SNX8: variants seen among roughly 807,000 people sequenced by gnomAD.
The protein encoded by SNX8 is sorting nexin 8, also known as sorting nexin-8.
In SNX8, 25 loss-of-function variants were observed where a neutral mutation model predicts 51.6. The ratio of observed to expected loss-of-function variants is 0.48; its 90% confidence interval spans 0.35 to 0.68. The LOEUF is 0.68. Among genes scored for constraint, SNX8 ranks in the 30% least tolerant of loss-of-function variants. The probability of loss-of-function intolerance (pLI) is 0.00; values close to 1 mark genes in which losing one functional copy is unlikely to be tolerated. For synonymous variants in SNX8, 324 were observed against 277.0 expected (o/e 1.17, Z -1.68); for missense variants, 695 against 624.0 (o/e 1.11, Z -1.21).
Position 2,302,470 on chromosome 7 carries a change from C to T in SNX8, c.94+11858G>A, listed in dbSNP as rs1157949050. Among the ~76,000 whole-genome samples the T allele has an allele frequency of 8.5e-5, 13 of 152,338 alleles. No individual in the cohort carries two copies. In the East Asian group the frequency reaches 1.2e-3, roughly 14 times the overall value. The stretch of plus-strand genomic sequence containing the variant: ...CTGGCTACAACCTCCACCTCCCAGC[C>T]GCCTGCCTTGGCCTCCCAAAGTGCC... On this transcript the variant is annotated intron_variant, in intron 1 of 10. Transcript: ENST00000222990.
At chr7:2,291,017 G>T (rs1170963185) in intron 1 of SNX8, among the ~76,000 whole-genome samples, 9 of 152,152 alleles carry the variant, frequency 5.9e-5, no homozygotes, top group Admixed American at 5.9e-4. Flanking sequence ...GTCTTGTAGC[G>T]GGGCACTGGC....
intron 8 of SNX8, 23 bp downstream of exon 8, chr7:2,257,712 G>A (rs1459276908): frequency 6.2e-7 from 1 of 1,610,774 alleles, no homozygotes; most frequent in Admixed American, 1.7e-5. Flanking sequence ...TCTGCCCCCA[G>A]CCAAGGAGCA....
chr7:2,340,203 C>G (rs1778895910), intron 1 of SNX8, among the ~76,000 whole-genome samples: 1 of 151,856 alleles, frequency 6.6e-6, no homozygotes, highest in Admixed American at 6.6e-5. Context: ...GCTGGGATTA[C>G]AGGCATGCGC....
At chr7:2,257,886 G>A in intron 7 of SNX8, 83 bp from the exon 8 acceptor site, 1 of 1,360,558 alleles carries the variant, frequency 7.3e-7, no homozygotes, top group East Asian at 2.3e-5. Flanking sequence ...AGCCTGGCCT[G>A]GGCCGGTTCC....
chr7:2,302,566 G>A (rs1364707995), intron 1 of SNX8, among the ~76,000 whole-genome samples: 3 of 145,412 alleles, frequency 2.1e-5, no homozygotes, highest in Non-Finnish European at 3.0e-5. Flanking sequence ...GCCGCCCATC[G>A]TCTGGGATGT....
At chr7:2,346,603 G>A (rs533024172) in intron 1 of SNX8, among the ~76,000 whole-genome samples, 42 of 151,580 alleles carry the variant, frequency 2.8e-4, no homozygotes, top group Middle Eastern at 6.8e-3. Flanking sequence ...AAAATTAGCC[G>A]GGCGTGGTGG....
chr7:2,313,252 G>A (rs1300028926), intron 1 of SNX8, among the ~76,000 whole-genome samples: 4 of 151,540 alleles, frequency 2.6e-5, no homozygotes, highest in African/African-American at 7.3e-5. Context: ...GAGGCCAGGC[G>A]CGGTGGCTCA....
rs1490542944 is a variant in SNX8, at chr7:2,269,608, T to C, written c.572A>G (p.Gln191Arg). The change falls in exon 5 of 11, where the codon CAG becomes CGG. Residue 191 changes from glutamine to arginine, a missense_variant. Transcript: ENST00000222990. ...GTTCAGGAATTCGTCCCCGACGCACTGTGCTGACTCCTTTAACTTGTTCTG... is the reference window on the plus strand; with the variant it reads ...GTTCAGGAATTCGTCCCCGACGCACCGTGCTGACTCCTTTAACTTGTTCTG... ...DVQNKLKESA[Q>R]CVGDEFLNCK... The C allele has an allele frequency of 1.2e-6, 2 of 1,601,232 alleles. No individual in the cohort carries two copies.
At chr7:2,274,511 G>T (rs562618974) in intron 3 of SNX8, among the ~76,000 whole-genome samples, 1 of 152,362 alleles carries the variant, frequency 6.6e-6, no homozygotes, top group East Asian at 1.9e-4. Context: ...TGCAGCCCAG[G>T]GGGACACAGG....
chr7:2,322,510 C>T (rs1316768861), intron 1 of SNX8, among the ~76,000 whole-genome samples: 1 of 151,674 alleles, frequency 6.6e-6, no homozygotes, highest in African/African-American at 2.4e-5. Flanking sequence ...GCCTGGCTAA[C>T]ATGATGAAAC....
At chr7:2,307,705 C>T (rs934103575) in intron 1 of SNX8, 1 of 150,478 alleles carries the variant, frequency 6.6e-6, no homozygotes, top group African/African-American at 2.4e-5. Flanking sequence ...TCTCCATGCA[C>T]TCTCGGGCTC....
At chr7:2,327,774 C>T (rs1222856251) in intron 1 of SNX8, among the ~76,000 whole-genome samples, 2 of 152,054 alleles carry the variant, frequency 1.3e-5, no homozygotes, top group South Asian at 4.1e-4. Flanking sequence ...TATCTCCTGA[C>T]CTCGTGATCC....
At chr7:2,350,627 A>G (rs1779118355) in intron 1 of SNX8, among the ~76,000 whole-genome samples, 1 of 151,902 alleles carries the variant, frequency 6.6e-6, no homozygotes, top group African/African-American at 2.4e-5. Flanking sequence ...TAACAGTGAG[A>G]CACTCTCCCC....
intron 5 of SNX8, among the ~76,000 whole-genome samples, chr7:2,268,230 G>A (rs547166242): frequency 0.014 from 1,846 of 135,616 alleles, 18 homozygotes; most frequent in Admixed American, 0.025. Context: ...TCTGCCCGGC[G>A]AGACCCCGTC....
rs1411676493 is a variant in SNX8 at position 2,255,061 on chromosome 7, G to A, written c.1393C>T (p.His465Tyr). ...CACCACCTCAGCCTCAGGCGCTAGT[G>A]AGGACACAGGCCGTCCTCCGGCGGG... is the stretch of plus-strand genomic sequence containing the variant. ...CSPPEDGLCP[H>Y] The change falls in exon 11 of 11, where the codon CAC becomes TAC. Residue 465 changes from histidine to tyrosine, a missense_variant. Transcript: ENST00000222990. 4 of 1,563,698 alleles carry A rather than the reference G, an allele frequency of 2.6e-6. No individual in the cohort carries two copies. The highest frequency in any genetic ancestry group is 3.5e-6 in the Non-Finnish European group (4 of 1,153,522).
intron 1 of SNX8, among the ~76,000 whole-genome samples, chr7:2,335,447 G>A (rs1450990475): frequency 1.3e-5 from 2 of 151,706 alleles, no homozygotes. Context: ...CCAGGAGTTC[G>A]AAACCCGCCT....
chr7:2,319,825 A>AG (rs1796806314), intron 1 of SNX8, among the ~76,000 whole-genome samples: 1 of 130,676 alleles, frequency 7.7e-6, no homozygotes, highest in Admixed American at 7.5e-5. Context: ...AAAAAAAAAA[A>AG]AAAAATTAGC....
intron 2 of SNX8, 57 bp downstream of exon 2, chr7:2,278,042 TG>T (rs1455526976): frequency 1.3e-5 from 20 of 1,577,654 alleles, no homozygotes; most frequent in Admixed American, 1.7e-5. Flanking sequence ...CCTGAGATGT[TG>T]AGACGTGACC....
At chr7:2,325,428 G>A (rs1467866113) in intron 1 of SNX8, among the ~76,000 whole-genome samples, 1 of 152,192 alleles carries the variant, frequency 6.6e-6, no homozygotes, top group Admixed American at 6.6e-5. Flanking sequence ...GAGGAACGTG[G>A]TATAGAAAAC....
Sources: gnomAD v4.1 joint callset for allele counts (sites outside exome capture counted in the v4.1 genomes callset) on GRCh38, gnomAD v4.1.1 for gene constraint, MANE v1.5 for transcripts, NCBI Gene and HGNC (gene_info 2026-07-23, HGNC 2026-07-21) for gene names.